The following STYXL1 variants were observed in gnomAD, a reference collection of about 807,000 sequenced individuals.
The protein encoded by STYXL1 is serine/threonine/tyrosine-interacting-like protein 1.
Under a neutral mutation model 36.4 loss-of-function variants are expected in STYXL1, and 32 were observed. The ratio of observed to expected loss-of-function variants is 0.88; its 90% CI spans 0.66 to 1.18. The LOEUF is 1.18. STYXL1 is among the 50% of genes most tolerant of loss of function. The pLI, the probability that STYXL1 is intolerant of heterozygous loss-of-function variation, is 0.00. For missense variants in STYXL1, 354 were observed against 394.1 expected (o/e 0.90, Z 0.86); for synonymous variants, 133 against 144.1 (o/e 0.92, Z 0.55).
At chr7:76,017,686 G>C (rs1244915967) in intron 4 of STYXL1, among the ~76,000 whole-genome samples, 1 of 150,990 alleles carries the variant, frequency 6.6e-6, no homozygotes, top group Non-Finnish European at 1.5e-5. Context: ...AGGAGTTTGA[G>C]ACCAGCCTGG....
At chr7:76,040,222 G>A (rs950771228) in intron 1 of STYXL1, among the ~76,000 whole-genome samples, 6 of 152,132 alleles carry the variant, frequency 3.9e-5, no homozygotes, top group African/African-American at 1.2e-4. Flanking sequence ...CACTTCCTCC[G>A]ACTCTGTCTC....
chr7:76,010,442 AG>A (rs3839764), intron 5 of STYXL1, among the ~76,000 whole-genome samples: 16,790 of 152,072 alleles, frequency 0.11, 1,790 homozygotes, highest in African/African-American at 0.27. Flanking sequence ...CATGCGGGGC[AG>A]GGGACGGGTC....
chr7:76,031,103 G>A (rs1795276793), intron 1 of STYXL1, among the ~76,000 whole-genome samples: 1 of 151,600 alleles, frequency 6.6e-6, no homozygotes, highest in African/African-American at 2.4e-5. Context: ...GGAGGCTGCA[G>A]TGAGCTGAAA....
At chr7:76,030,291 ACCCAG>A in intron 2 of STYXL1, 125 bp downstream of exon 2, 1 of 676,858 alleles carries the variant, frequency 1.5e-6, no homozygotes, top group Non-Finnish European at 2.6e-6. Context: ...GTGCCACCAC[ACCCAG>A]CCCAGGGATC....
At chr7:76,004,733 G>A (rs973227890) in intron 6 of STYXL1, among the ~76,000 whole-genome samples, 4 of 150,676 alleles carry the variant, frequency 2.7e-5, no homozygotes, top group Middle Eastern at 3.5e-3. Flanking sequence ...CAGGCGCGGT[G>A]GCTCATGCCT....
intron 4 of STYXL1, among the ~76,000 whole-genome samples, chr7:76,017,761 C>T (rs543528193): frequency 1.3e-5 from 2 of 148,710 alleles, no homozygotes; most frequent in South Asian, 2.1e-4. Flanking sequence ...GTGGTGCGCA[C>T]CTGTATTCCC....
chr7:76,016,719 T>A (rs1044090510), intron 4 of STYXL1, among the ~76,000 whole-genome samples: 4 of 152,086 alleles, frequency 2.6e-5, no homozygotes, highest in Non-Finnish European at 5.9e-5. Flanking sequence ...TGGCTTTTAT[T>A]AGAAAGCCAA....
intron 1 of STYXL1, among the ~76,000 whole-genome samples, chr7:76,046,274 C>CTGTGTG (rs782245806): frequency 8.3e-4 from 86 of 103,160 alleles, no homozygotes; most frequent in African/African-American, 3.3e-3. Context: ...AGCTTATCTG[C>CTGTGTG]TGTGTGTGTG....
At chr7:76,004,873 C>T (rs191846103) in intron 6 of STYXL1, among the ~76,000 whole-genome samples, 13 of 151,240 alleles carry the variant, frequency 8.6e-5, no homozygotes, top group African/African-American at 2.9e-4. Flanking sequence ...TGGTGGCGGG[C>T]GCCTGTAGTC....
chr7:76,007,613 AT>A (rs1791954319), intron 5 of STYXL1, among the ~76,000 whole-genome samples: 1 of 152,072 alleles, frequency 6.6e-6, no homozygotes, highest in South Asian at 2.1e-4. Flanking sequence ...CAACACGTAC[AT>A]TAGCAATCAA....
At chr7:76,007,318 C>T (rs987491422) in intron 5 of STYXL1, among the ~76,000 whole-genome samples, 15 of 151,812 alleles carry the variant, frequency 9.9e-5, no homozygotes, top group African/African-American at 2.9e-4. Context: ...CCCAGCTACT[C>T]GGGAGGCTGA....
intron 1 of STYXL1, among the ~76,000 whole-genome samples, chr7:76,041,171 C>G (rs1472144081): frequency 1.4e-5 from 2 of 145,632 alleles, no homozygotes; most frequent in East Asian, 2.0e-4. Context: ...AACCTCCCCC[C>G]ATCTCCAAAA....
At chr7:76,032,821 G>T (rs1309185416) in intron 1 of STYXL1, among the ~76,000 whole-genome samples, 2 of 152,206 alleles carry the variant, frequency 1.3e-5, no homozygotes, top group Non-Finnish European at 2.9e-5. Flanking sequence ...CTGCTAAACT[G>T]AGACAGAAGG....
chr7:76,033,522 G>C (rs1458123317), intron 1 of STYXL1, among the ~76,000 whole-genome samples: 2 of 152,158 alleles, frequency 1.3e-5, no homozygotes, highest in African/African-American at 2.4e-5. Flanking sequence ...GCGAAGGGGA[G>C]AAGTTGAGTC....
At chr7:76,000,362 T>A in intron 8 of STYXL1, 1 of 453,534 alleles carries the variant, frequency 2.2e-6, no homozygotes, top group Non-Finnish European at 4.4e-6. Flanking sequence ...CCTGGGCAAA[T>A]GTTGGGGCTT....
intron 1 of STYXL1, among the ~76,000 whole-genome samples, chr7:76,042,390 C>CCTTTTTTT (rs1796552134): frequency 9.6e-5 from 4 of 41,816 alleles, no homozygotes; most frequent in African/African-American, 1.3e-4. Context: ...CCCTTATGTG[C>CCTTTTTTT]TTTTTTTTTT....
chr7:76,017,185 G>A (rs1442182630), intron 4 of STYXL1, among the ~76,000 whole-genome samples: 2 of 152,000 alleles, frequency 1.3e-5, no homozygotes, highest in Non-Finnish European at 1.5e-5. Flanking sequence ...ACCATGCCCA[G>A]CTAATTTTTG....
At chr7:76,000,375 T>C (rs782288292) in intron 8 of STYXL1, 1 of 456,270 alleles carries the variant, frequency 2.2e-6, no homozygotes, top group South Asian at 1.5e-5. Flanking sequence ...TGGGGCTTTG[T>C]AGGTCCTATC....
intron 2 of STYXL1, 88 bp downstream of exon 2, chr7:76,030,333 C>T: frequency 1.0e-6 from 1 of 977,562 alleles, no homozygotes; most frequent in Non-Finnish European, 1.6e-6. Flanking sequence ...TCACTGCCCC[C>T]CACCCCGCCA....
Sources: allele counts gnomAD v4.1 joint callset (sites outside exome capture counted in the v4.1 genomes callset), GRCh38; gene constraint gnomAD v4.1.1; transcripts MANE v1.5; gene names NCBI Gene and HGNC (gene_info 2026-07-23, HGNC 2026-07-21).